SPEF2: variants seen among roughly 807,000 people sequenced by gnomAD.
SPEF2 encodes sperm flagellar and cilia associated 2.
SPEF2 carries 187 observed loss-of-function variants against 224.6 expected under a neutral mutation model. The ratio of observed to expected loss-of-function variants is 0.83; its 90% CI spans 0.74 to 0.94. The LOEUF is 0.94. SPEF2 is among the 40% of genes least tolerant of loss of function. SPEF2 has a pLI of 0.00. For missense variants in SPEF2, 2,170 were observed against 2,135.6 expected, an observed-to-expected ratio of 1.02 and a Z score of -0.32; for synonymous variants, 715 against 707.3, an observed-to-expected ratio of 1.01 and a Z score of -0.17.
intron 36 of SPEF2, chr5:35,807,668 A>T (rs1023920020): frequency 3.2e-5 from 49 of 1,535,980 alleles, no homozygotes; most frequent in Non-Finnish European, 3.8e-5. Flanking sequence ...TGGAAATGAT[A>T]GTGTGTGCAA....
At chr5:35,647,376 A>C (rs1747534315) in intron 5 of SPEF2, among the ~76,000 whole-genome samples, 1 of 152,024 alleles carries the variant, frequency 6.6e-6, no homozygotes, top group Non-Finnish European at 1.5e-5. Context: ...TCTTTTTAAC[A>C]ACCAGCTCTC....
intron 6 of SPEF2, among the ~76,000 whole-genome samples, chr5:35,654,259 CA>C (rs1301055104): frequency 0.017 from 2,020 of 120,368 alleles, 25 homozygotes; most frequent in African/African-American, 0.037. Context: ...AACTTTATCT[CA>C]AAAAAAAAAA....
chr5:35,763,591 A>C lies in SPEF2; in HGVS notation c.3690A>C (p.Val1230=). The stretch of plus-strand genomic sequence containing the variant: ...CACCCAAACCAAAAACAAAATCAGT[A>C]CTGAAGGGCAAGATGGATAACTCCC... ...TVTPKPKTKS[V]LKGKMDNSLE... The change falls in exon 26 of 37, where the codon GTA becomes GTC. Residue 1230 remains valine (V), a synonymous_variant. Coordinates refer to ENST00000356031, the MANE Select transcript of SPEF2 (RefSeq NM_024867.4). 6.2e-7 allele frequency: 1 copy of C among 1,613,950 alleles called. No homozygotes were observed. Among genetic ancestry groups the C allele is most frequent in the Non-Finnish European group, 8.5e-7 (1 of 1,179,916 alleles).
At position 35,654,607 on chromosome 5, in the gene SPEF2, G is replaced by A. The variant is rs921766836; in HGVS notation, c.859G>A (p.Asp287Asn). 6.2e-7 allele frequency: 1 copy of A among 1,613,560 alleles called. No individual in the cohort carries two copies. The highest frequency in any genetic ancestry group is 8.5e-7 in the Non-Finnish European group (1 of 1,179,798). ...CGATTTGTTAAATACTTACTCAGATGACGAGTACATTAAAAAAATCCAGAA... is the reference window on the plus strand; with the variant it reads ...CGATTTGTTAAATACTTACTCAGATAACGAGTACATTAAAAAAATCCAGAA... ...TTDLLNTYSD[D>N]EYIKKIQKRL... Residue 287 changes from aspartate (D) to asparagine (N), a missense_variant, in exon 7 of 37, where the codon GAC (aspartate) becomes AAC (asparagine). By Grantham distance (23) the Asp-to-Asn change is conservative. Transcript: ENST00000356031.
intron 21 of SPEF2, among the ~76,000 whole-genome samples, chr5:35,733,822 G>A (rs1746078811): frequency 6.6e-6 from 1 of 151,824 alleles, no homozygotes; most frequent in African/African-American, 2.4e-5. Context: ...ACTGGTCTAT[G>A]TTCAAATCCC....
Position 35,646,575 on chromosome 5 carries a change from T to C in SPEF2, c.586-92T>C, listed in dbSNP as rs1747396145. On this transcript the variant is annotated intron_variant, in intron 4 of 36. Transcript: ENST00000356031. ...AATTGCTGGGTTCTGAAATTTTCAA[T>C]AGATAAATTTTATATATTTGTACCT... The C allele has an allele frequency of 7.0e-6, 9 of 1,281,788 alleles. No individual in the cohort carries two copies. The African/African-American group carries it at 7.5e-5, about 11-fold the overall frequency. 79.4% of individuals were successfully genotyped at this position (1,281,788 alleles called of 1,614,324 possible).
chr5:35,637,876 C>A (rs970917744), intron 2 of SPEF2, among the ~76,000 whole-genome samples: 1 of 151,992 alleles, frequency 6.6e-6, no homozygotes, highest in African/African-American at 2.4e-5. Context: ...GTGTCCATGC[C>A]CTCATTTTCT....
chr5:35,650,731 A>T (rs1391580906), intron 6 of SPEF2, among the ~76,000 whole-genome samples: 1 of 152,162 alleles, frequency 6.6e-6, no homozygotes, highest in Admixed American at 6.5e-5. Context: ...CAGTTATTAA[A>T]TGTCTTAAAG....
intron 36 of SPEF2, among the ~76,000 whole-genome samples, chr5:35,814,259 T>G (rs1284069271): frequency 1.3e-5 from 2 of 152,200 alleles, no homozygotes; most frequent in African/African-American, 4.8e-5. Flanking sequence ...GGGTCCAAGA[T>G]CTTAGATAAT....
intron 18 of SPEF2, among the ~76,000 whole-genome samples, chr5:35,706,940 C>T (rs963102637): frequency 1.3e-5 from 2 of 152,164 alleles, no homozygotes; most frequent in Admixed American, 1.3e-4. Flanking sequence ...CTCATGAAGG[C>T]TTGAAGCTAC....
At chr5:35,700,353 C>T in intron 15 of SPEF2, 143 bp from the exon 16 acceptor site, 1 of 747,152 alleles carries the variant, frequency 1.3e-6, no homozygotes, top group East Asian at 2.6e-5. Context: ...CATCAGTAAA[C>T]CTAATCTTTT....
chr5:35,790,672 T>G (rs766584407), intron 30 of SPEF2: 11 of 202,492 alleles, frequency 5.4e-5, no homozygotes, highest in African/African-American at 1.4e-4. Context: ...CAGTTATTCC[T>G]AAGGGTGACC....
chr5:35,697,871 A>AT, intron 15 of SPEF2, 78 bp downstream of exon 15: 2 of 1,056,248 alleles, frequency 1.9e-6, no homozygotes, highest in East Asian at 2.6e-5. Flanking sequence ...AATAATACGG[A>AT]TTTTTTGTTG....
intron 30 of SPEF2, chr5:35,790,678 T>TGACC (rs1169062796): frequency 1.0e-5 from 2 of 196,464 alleles, no homozygotes; most frequent in Non-Finnish European, 2.0e-5. Flanking sequence ...TTCCTAAGGG[T>TGACC]GACCAGACTA....
chr5:35,703,635 C>T (rs999625234), intron 16 of SPEF2, among the ~76,000 whole-genome samples: 6 of 152,096 alleles, frequency 3.9e-5, no homozygotes, highest in Admixed American at 3.9e-4. Flanking sequence ...AATGCTGATC[C>T]ATGCACTGAA....
chr5:35,805,532 A>C (rs879766306), intron 34 of SPEF2, among the ~76,000 whole-genome samples: 3 of 152,216 alleles, frequency 2.0e-5, no homozygotes, highest in Non-Finnish European at 4.4e-5. Flanking sequence ...AAAGGAGATC[A>C]GATCTCAGAT....
At chr5:35,797,674 G>T (rs527736237) in intron 33 of SPEF2, among the ~76,000 whole-genome samples, 1 of 152,248 alleles carries the variant, frequency 6.6e-6, no homozygotes, top group African/African-American at 2.4e-5. Flanking sequence ...ACTATACATG[G>T]TTAAACAGTG....
chr5:35,619,592 G>A (rs1323130788), intron 1 of SPEF2, among the ~76,000 whole-genome samples: 5 of 152,066 alleles, frequency 3.3e-5, no homozygotes, highest in African/African-American at 1.2e-4. Flanking sequence ...CAGGAGAATC[G>A]CTTGAACCCA....
intron 10 of SPEF2, among the ~76,000 whole-genome samples, chr5:35,679,873 CA>C (rs1752548043): frequency 6.6e-6 from 1 of 152,140 alleles, no homozygotes; most frequent in Non-Finnish European, 1.5e-5. Context: ...GATCTCTTCC[CA>C]AACATGATTC....
Sources: gnomAD v4.1 joint callset for allele counts (sites outside exome capture counted in the v4.1 genomes callset) on GRCh38, gnomAD v4.1.1 for gene constraint, MANE v1.5 for transcripts, NCBI Gene and HGNC (gene_info 2026-07-23, HGNC 2026-07-21) for gene names.